BRWD3: variants seen among roughly 807,000 people sequenced by gnomAD.
BRWD3 encodes the protein bromodomain and WD repeat domain containing 3.
A neutral mutation model predicts 149.7 loss-of-function variants in BRWD3; 10 were observed. The ratio of observed to expected loss-of-function variants is 0.07; its 90% CI spans 0.04 to 0.11. The LOEUF (loss-of-function observed/expected upper bound fraction) is 0.11. Among genes scored for constraint, BRWD3 ranks in the 10% least tolerant of loss-of-function variants. BRWD3 has a pLI of 1.00. For missense variants in BRWD3, 940 were observed against 1,373.2 expected (o/e 0.68, Z 4.99); for synonymous variants, 504 against 456.7 (o/e 1.10, Z -1.32).
chrX:80,790,837 A>T (rs137903690), intron 6 of BRWD3, among the ~76,000 whole-genome samples: 2,683 of 111,996 alleles, frequency 0.024, 121 homozygotes, highest in Admixed American at 0.15. Context: ...TATATTAATT[A>T]TGACTAAAGC....
At chrX:80,801,376 G>A (rs1308167198) in intron 4 of BRWD3, among the ~76,000 whole-genome samples, 5 of 105,774 alleles carry the variant, frequency 4.7e-5, no homozygotes, top group Admixed American at 1.0e-4. Flanking sequence ...GCCTGCCACC[G>A]CGCCTAATTT....
At chrX:80,793,071 A>T (rs981619901) in intron 5 of BRWD3, among the ~76,000 whole-genome samples, 3 of 103,484 alleles carry the variant, frequency 2.9e-5, no homozygotes, top group Admixed American at 1.1e-4. Context: ...CTAAGGCAGG[A>T]GAATTGCTTG....
At chrX:80,689,467 T>C (rs1196805416) in intron 33 of BRWD3, among the ~76,000 whole-genome samples, 1 of 111,691 alleles carries the variant, frequency 9.0e-6, no homozygotes, top group Non-Finnish European at 1.9e-5. Flanking sequence ...AACTAAGCAT[T>C]CTTTTAAAAT....
At chrX:80,716,292 G>GA in intron 19 of BRWD3, 42 bp from the exon 20 acceptor site, 1 of 1,001,608 alleles carries the variant, frequency 1.0e-6, no homozygotes, top group Non-Finnish European at 1.4e-6. Context: ...AAATCAAGAA[G>GA]AAAACCAATC....
rs1188357946 is a variant in BRWD3 at position 80,673,547 on chromosome X, TAAGTAGGC to T, written c.*3054_*3061del. The T allele has an allele frequency of 4.5e-5, 5 of 111,461 alleles. No individual in the cohort carries two copies. Among genetic ancestry groups the T allele is most frequent in the African/African-American group, 1.6e-4 (5 of 30,705 alleles). 9.2% of individuals were successfully genotyped at this position (111,461 alleles called of 1,213,427 possible). On this transcript the variant is annotated 3_prime_UTR_variant, in exon 41 of 41. Coordinates refer to ENST00000373275, the MANE Select transcript of BRWD3 (RefSeq NM_153252.5). ...CAAACACACATATACAAAAATTTAGTAAGTAGGCTAGTAGGCTAGTGAATGTTTTAGAG... is the reference window on the plus strand; with the variant it reads ...CAAACACACATATACAAAAATTTAGTTAGTAGGCTAGTGAATGTTTTAGAG...
Position 80,734,191 on chromosome X carries a change from G to T in BRWD3, c.1013C>A (p.Thr338Asn). The T allele has an allele frequency of 8.4e-7, 1 of 1,192,935 alleles. No homozygotes were observed. The highest frequency in any genetic ancestry group is 1.1e-6 in the Non-Finnish European group (1 of 878,883). ...SGGMFITTGSTDHVIRIYYLG... is the reference protein window; with the variant it reads ...SGGMFITTGSNDHVIRIYYLG... ...ATAATATATTCTAATCACATGGTCAGTACTACCAGTTGTAATGAACATACC... is the reference window on the plus strand; with the variant it reads ...ATAATATATTCTAATCACATGGTCATTACTACCAGTTGTAATGAACATACC... The change falls in exon 11 of 41, where the codon ACT becomes AAT. Residue 338 changes from threonine to asparagine, a missense_variant. Physicochemically the swap from Thr to Asn is moderately conservative, Grantham distance 65 (BLOSUM62 0). Coordinates refer to ENST00000373275, the MANE Select transcript of BRWD3 (RefSeq NM_153252.5).
At chrX:80,683,087 A>C (rs1369961409) in intron 37 of BRWD3, among the ~76,000 whole-genome samples, 1 of 111,877 alleles carries the variant, frequency 8.9e-6, no homozygotes, top group African/African-American at 3.2e-5. Context: ...ATCCCTAGCC[A>C]AAGAACACTG....
chrX:80,692,516 T>C (rs1419555847), intron 28 of BRWD3, among the ~76,000 whole-genome samples: 1 of 112,074 alleles, frequency 8.9e-6, no homozygotes, highest in Non-Finnish European at 1.9e-5. Flanking sequence ...CTTCCAAACA[T>C]GATGCAACCA....
intron 21 of BRWD3, among the ~76,000 whole-genome samples, chrX:80,709,019 A>G (rs751630038): frequency 8.9e-6 from 1 of 112,029 alleles, no homozygotes; most frequent in South Asian, 3.8e-4. Flanking sequence ...TCAACATTCA[A>G]TGATCTCTAT....
At chrX:80,699,662 G>A (rs909392409) in intron 25 of BRWD3, among the ~76,000 whole-genome samples, 1 of 111,820 alleles carries the variant, frequency 8.9e-6, no homozygotes, top group African/African-American at 3.3e-5. Context: ...AGCTTATGGA[G>A]GCTCCAGAAG....
Position 80,709,542 on chromosome X carries a change from G to A in BRWD3, c.2361C>T (p.Arg787=), listed in dbSNP as rs767524006. ...DYEPSCGRSL[R]RTQRKRQHTY... The stretch of plus-strand genomic sequence containing the variant: ...TATGCTGACGTTTGCGCTGTGTCCT[G>A]CGTAAAGAACGCCCACAGCTAGGCT... Residue 787 remains arginine (R), a synonymous_variant, in exon 21 of 41, where the codon CGC becomes CGT. Coordinates refer to ENST00000373275, the MANE Select transcript of BRWD3 (RefSeq NM_153252.5). The A allele has an allele frequency of 8.3e-7, 1 of 1,210,408 alleles. No individual in the cohort carries two copies. The highest frequency in any genetic ancestry group is 1.8e-5 in the South Asian group (1 of 56,891).
At position 80,671,346 on chromosome X, in the gene BRWD3, T is replaced by A. The variant is rs992218630; in HGVS notation, c.*5263A>T. 2.7e-5 allele frequency: 3 copies of A among 111,761 alleles called. No homozygotes were observed. The highest frequency in any genetic ancestry group is 3.8e-5 in the Non-Finnish European group (2 of 53,124). The allele number at this position is 111,761 out of a possible 1,213,427, so 9.2% of individuals were successfully genotyped here. On this transcript the variant is annotated 3_prime_UTR_variant, in exon 41 of 41. Transcript: ENST00000373275. Reference sequence around the variant, plus strand: ...TAAGATGAAAACAAAAAACAAAACCTTTTCTTTGATAGGAAGAAGCATCCT... The same window carrying A: ...TAAGATGAAAACAAAAAACAAAACCATTTCTTTGATAGGAAGAAGCATCCT...
At chrX:80,773,251 A>G (rs768330950) in intron 6 of BRWD3, among the ~76,000 whole-genome samples, 1 of 111,625 alleles carries the variant, frequency 9.0e-6, no homozygotes, top group African/African-American at 3.3e-5. Context: ...AACTGAGGAC[A>G]TCTGATATGA....
intron 22 of BRWD3, among the ~76,000 whole-genome samples, chrX:80,705,504 T>C (rs2072850389): frequency 9.0e-6 from 1 of 111,512 alleles, no homozygotes; most frequent in South Asian, 3.7e-4. Context: ...TATACAGTCA[T>C]ATACAGTCAT....
rs747917743 is a variant in BRWD3, at chrX:80,699,397, C to A, written c.2943+560G>T. Reference sequence around the variant, plus strand: ...GGTAGAAATGGTGGTGTATGTATACCTATGTCTGTCTGTATGTGCATGTGT... The same window carrying A: ...GGTAGAAATGGTGGTGTATGTATACATATGTCTGTCTGTATGTGCATGTGT... On this transcript the variant is annotated intron_variant, in intron 25 of 40. Coordinates refer to ENST00000373275, the MANE Select transcript of BRWD3 (RefSeq NM_153252.5). Among the ~76,000 whole-genome samples the A allele has an allele frequency of 2.7e-5, 3 of 110,294 alleles. No individual in the cohort carries two copies. The South Asian group carries it at 1.1e-3, about 42-fold the overall frequency.
chrX:80,730,057 A>T, intron 12 of BRWD3, 37 bp from the exon 13 acceptor site: 1 of 998,799 alleles, frequency 1.0e-6, no homozygotes, highest in Non-Finnish European at 1.4e-6. Flanking sequence ...AATTTTCTCA[A>T]AAATGTAAAT....
chrX:80,742,808 A>G (rs1378431273), intron 8 of BRWD3, among the ~76,000 whole-genome samples: 2 of 110,804 alleles, frequency 1.8e-5, no homozygotes, highest in African/African-American at 3.3e-5. Flanking sequence ...GAGACGATGG[A>G]GTTTTCTAAA....
chrX:80,688,038 T>C (rs745865727), intron 34 of BRWD3, 31 bp downstream of exon 34: 7 of 1,125,823 alleles, frequency 6.2e-6, no homozygotes, highest in Admixed American at 4.4e-5. Context: ...CCTGAAAACA[T>C]ATCTCCTCAG....
intron 6 of BRWD3, among the ~76,000 whole-genome samples, chrX:80,771,116 A>G (rs2073938990): frequency 8.9e-6 from 1 of 111,800 alleles, no homozygotes. Flanking sequence ...CAAACAAATG[A>G]AAGAACATTC....
Sources: gnomAD v4.1 joint callset for allele counts (sites outside exome capture counted in the v4.1 genomes callset) on GRCh38, gnomAD v4.1.1 for gene constraint, MANE v1.5 for transcripts, NCBI Gene and HGNC (gene_info 2026-07-23, HGNC 2026-07-21) for gene names.